Variants in CHST9 observed in about 807,000 individuals in gnomAD.
CHST9 encodes the protein GalNAc-4-sulfotransferase 2.
Under a neutral mutation model 44.4 loss-of-function variants are expected in CHST9, and 41 were observed. The observed-to-expected ratio is 0.92, with a 90% CI of 0.72 to 1.20. The LOEUF (loss-of-function observed/expected upper bound fraction) is 1.20. CHST9 is among the 50% of genes most tolerant of loss of function. The probability of loss-of-function intolerance (pLI) is 0.00; values close to 1 mark genes in which losing one functional copy is unlikely to be tolerated. For synonymous variants in CHST9, 171 were observed against 178.4 expected, an observed-to-expected ratio of 0.96 and a Z score of 0.33; for missense variants, 504 against 516.5, an observed-to-expected ratio of 0.98 and a Z score of 0.23.
chr18:27,139,283 T>G (rs1302783134), intron 2 of CHST9, among the ~76,000 whole-genome samples: 1 of 152,154 alleles, frequency 6.6e-6, no homozygotes, highest in Non-Finnish European at 1.5e-5. Context: ...ATTTAGATTT[T>G]AAAACCAGCA....
intron 3 of CHST9, among the ~76,000 whole-genome samples, chr18:27,047,900 ATGAAAATG>A (rs1444307490): frequency 6.6e-6 from 1 of 152,190 alleles, no homozygotes; most frequent in Non-Finnish European, 1.5e-5. Context: ...TCATGGAAAT[ATGAAAATG>A]TAAAAACTTA....
chr18:27,171,749 A>G (rs2058835249), intron 1 of CHST9, among the ~76,000 whole-genome samples: 1 of 152,208 alleles, frequency 6.6e-6, no homozygotes, highest in Non-Finnish European at 1.5e-5. Context: ...CAATATCAGG[A>G]ATACTTCTCA....
chr18:26,991,822 A>C (rs1460544394), intron 4 of CHST9, among the ~76,000 whole-genome samples: 1 of 127,442 alleles, frequency 7.8e-6, no homozygotes, highest in Non-Finnish European at 1.8e-5. Context: ...TAGGGTGTTC[A>C]TTGATGGCCC....
intron 5 of CHST9, among the ~76,000 whole-genome samples, chr18:26,941,678 G>C (rs927080937): frequency 6.6e-6 from 1 of 152,152 alleles, no homozygotes; most frequent in Non-Finnish European, 1.5e-5. Context: ...TTCTAGAACA[G>C]AGGCTGCCAA....
At chr18:27,061,218 C>T (rs565250005) in intron 2 of CHST9, among the ~76,000 whole-genome samples, 2 of 152,296 alleles carry the variant, frequency 1.3e-5, no homozygotes, top group African/African-American at 4.8e-5. Context: ...TGAATTAATG[C>T]ACCACGGGAC....
intron 4 of CHST9, among the ~76,000 whole-genome samples, chr18:26,985,018 G>A (rs951942693): frequency 6.6e-6 from 1 of 152,156 alleles, no homozygotes; most frequent in Non-Finnish European, 1.5e-5. Context: ...CTACCAGAAA[G>A]AGATGCATGC....
chr18:27,090,241 C>A (rs1004337888), intron 2 of CHST9, among the ~76,000 whole-genome samples: 5 of 152,168 alleles, frequency 3.3e-5, no homozygotes, highest in Non-Finnish European at 7.3e-5. Flanking sequence ...GCATAGATAT[C>A]TTCTTTTGAG....
intron 1 of CHST9, among the ~76,000 whole-genome samples, chr18:27,161,909 T>C (rs568390646): frequency 6.6e-6 from 1 of 152,074 alleles, no homozygotes; most frequent in Admixed American, 6.5e-5. Context: ...AAGTCTGTTT[T>C]ATCAGAGACT....
At chr18:27,178,666 A>C (rs2058887112) in intron 1 of CHST9, among the ~76,000 whole-genome samples, 1 of 13,542 alleles carries the variant, frequency 7.4e-5, no homozygotes, top group Non-Finnish European at 1.7e-4. Flanking sequence ...GCACAAAGAG[A>C]AGAGATGTTG....
intron 3 of CHST9, among the ~76,000 whole-genome samples, chr18:27,040,643 T>A (rs969552821): frequency 2.0e-5 from 3 of 152,164 alleles, no homozygotes; most frequent in Non-Finnish European, 4.4e-5. Context: ...TGCTCTTATC[T>A]GGGGATTTTC....
chr18:26,921,972 C>A (rs1249137261), intron 5 of CHST9, among the ~76,000 whole-genome samples: 1 of 152,084 alleles, frequency 6.6e-6, no homozygotes, highest in Non-Finnish European at 1.5e-5. Context: ...AAATTAATTA[C>A]CCCCAATTGG....
chr18:26,913,198 G>A lies in CHST9; in HGVS notation c.*3061C>T, dbSNP rs73400716. ...AAGAATAATAATACATCAATAAAAT[G>A]TAAAAGTATTTTTCCTCTTTCTAAT... is the stretch of plus-strand genomic sequence containing the variant. On this transcript the variant is annotated 3_prime_UTR_variant, in exon 6 of 6. Transcript: ENST00000618847. The A allele has an allele frequency of 0.014, 2,087 of 152,212 alleles. 54 individuals carry two copies. The highest frequency in any genetic ancestry group is 0.048 in the African/African-American group (1,983 of 41,534). 9.4% of individuals were successfully genotyped at this position (152,212 alleles called of 1,614,324 possible). A position where few individuals can be genotyped will look rare whatever the true frequency, so the allele number is the denominator to read the frequency against.
At chr18:27,130,433 T>A (rs1002952440) in intron 2 of CHST9, among the ~76,000 whole-genome samples, 2 of 152,220 alleles carry the variant, frequency 1.3e-5, no homozygotes, top group African/African-American at 4.8e-5. Flanking sequence ...TGAATAGCAA[T>A]CAGTGTATCC....
At chr18:26,949,828 C>G (rs1439260863) in intron 4 of CHST9, among the ~76,000 whole-genome samples, 2 of 152,162 alleles carry the variant, frequency 1.3e-5, no homozygotes, top group Non-Finnish European at 2.9e-5. Context: ...GGAGAGTTTA[C>G]AGCAGAGAGA....
At chr18:27,084,428 G>C (rs1393643576) in intron 2 of CHST9, among the ~76,000 whole-genome samples, 2 of 148,194 alleles carry the variant, frequency 1.3e-5, no homozygotes, top group Non-Finnish European at 3.0e-5. Context: ...TCTAGTTTGA[G>C]CTCATAGTGG....
chr18:27,138,442 T>C (rs1182209763), intron 2 of CHST9, among the ~76,000 whole-genome samples: 1 of 152,194 alleles, frequency 6.6e-6, no homozygotes, highest in Non-Finnish European at 1.5e-5. Context: ...GGAACCAGAA[T>C]GGCTCTGTGC....
chr18:26,978,236 C>A (rs1367911229), intron 4 of CHST9, among the ~76,000 whole-genome samples: 1 of 151,674 alleles, frequency 6.6e-6, no homozygotes, highest in East Asian at 1.9e-4. Context: ...CTCTTCCCAA[C>A]TAACCCGTTT....
At chr18:26,965,412 A>G (rs570434211) in intron 4 of CHST9, among the ~76,000 whole-genome samples, 4 of 152,172 alleles carry the variant, frequency 2.6e-5, no homozygotes, top group South Asian at 4.2e-4. Context: ...TTACTGATTT[A>G]CTCCAGTAAT....
intron 4 of CHST9, among the ~76,000 whole-genome samples, chr18:26,949,321 G>T (rs1285344778): frequency 6.6e-6 from 1 of 152,082 alleles, no homozygotes; most frequent in African/African-American, 2.4e-5. Context: ...TTTTATTAGG[G>T]AATCTGGCAG....
Sources: gnomAD v4.1 joint callset for allele counts (sites outside exome capture counted in the v4.1 genomes callset) on GRCh38, gnomAD v4.1.1 for gene constraint, MANE v1.5 for transcripts, NCBI Gene and HGNC (gene_info 2026-07-23, HGNC 2026-07-21) for gene names.